The following COX7B2 variants were observed in gnomAD, a reference collection of about 807,000 sequenced individuals.
The protein encoded by COX7B2 is cytochrome c oxidase subunit 7B2, mitochondrial.
For synonymous variants in COX7B2, 37 were observed against 32.1 expected, an observed-to-expected ratio of 1.15 and a Z score of -0.51; for missense variants, 109 against 95.9, an observed-to-expected ratio of 1.14 and a Z score of -0.57.
At chr4:46,774,178 GCCC>G (rs199972250) in intron 2 of COX7B2, among the ~76,000 whole-genome samples, 1,676 of 152,146 alleles carry the variant, frequency 0.011, 21 homozygotes, top group Middle Eastern at 0.041. Flanking sequence ...TCTGGAAAGT[GCCC>G]CCAAGTTTGC....
chr4:46,899,763 T>G (rs760652776), intron 1 of COX7B2, among the ~76,000 whole-genome samples: 2 of 152,182 alleles, frequency 1.3e-5, no homozygotes, highest in Non-Finnish European at 2.9e-5. Context: ...TCTGCAACAA[T>G]TACACAGGCA....
chr4:46,754,129 T>A (rs1165532741), intron 2 of COX7B2, among the ~76,000 whole-genome samples: 3 of 152,140 alleles, frequency 2.0e-5, no homozygotes, highest in African/African-American at 7.2e-5. Context: ...TGTAAACTAG[T>A]TCAACCATTG....
At chr4:46,898,418 T>G (rs1449328649) in intron 1 of COX7B2, among the ~76,000 whole-genome samples, 1 of 152,068 alleles carries the variant, frequency 6.6e-6, no homozygotes, top group African/African-American at 2.4e-5. Context: ...CTCCATCTCA[T>G]CATTCATTAT....
chr4:46,897,173 A>C (rs1036905552), intron 1 of COX7B2, among the ~76,000 whole-genome samples: 1 of 152,170 alleles, frequency 6.6e-6, no homozygotes, highest in Non-Finnish European at 1.5e-5. Flanking sequence ...AAACAGGGTC[A>C]AGACAGGTGC....
chr4:46,830,748 C>A (rs556096782), intron 2 of COX7B2, among the ~76,000 whole-genome samples: 15 of 152,354 alleles, frequency 9.8e-5, no homozygotes, highest in Non-Finnish European at 1.0e-4. Context: ...GGAAGGGAGT[C>A]TGCTCCACAG....
intron 2 of COX7B2, among the ~76,000 whole-genome samples, chr4:46,822,563 G>A (rs1377207510): frequency 6.6e-6 from 1 of 151,938 alleles, no homozygotes; most frequent in African/African-American, 2.4e-5. Flanking sequence ...AGAAAAACTG[G>A]CAAAGAAACA....
At position 46,887,317 on chromosome 4, in the gene COX7B2, G is replaced by GA. The variant is rs1438571961; in HGVS notation, c.-105+21842dup. ...CTGGTTTGACAACTGTGAGAAAACA[G>GA]AAAAATATTACCACATGACCTTCAT... On this transcript the variant is annotated intron_variant, in intron 1 of 2. Coordinates refer to ENST00000355591, the MANE Select transcript of COX7B2 (RefSeq NM_130902.3). 3.3e-5 allele frequency among the ~76,000 whole-genome samples: 5 copies of GA among 152,270 alleles called. 2 individuals are homozygous for GA. Among genetic ancestry groups the GA allele is most frequent in the African/African-American group, 1.2e-4 (5 of 41,570 alleles).
chr4:46,851,575 C>T lies in COX7B2; in HGVS notation c.-104-6561G>A, dbSNP rs75473648. Reference sequence around the variant, plus strand: ...AACTCTAGACTTTACTTGATAGTCACCCATTTTTCCACTAATGGCCCTTTT... The same window carrying T: ...AACTCTAGACTTTACTTGATAGTCATCCATTTTTCCACTAATGGCCCTTTT... On this transcript the variant is annotated intron_variant, in intron 1 of 2. Coordinates refer to ENST00000355591, the MANE Select transcript of COX7B2 (RefSeq NM_130902.3). 8.8e-3 allele frequency among the ~76,000 whole-genome samples: 1,333 copies of T among 152,128 alleles called. 15 individuals are homozygous for T. The highest frequency in any genetic ancestry group is 0.029 in the African/African-American group (1,196 of 41,518).
At chr4:46,831,651 G>A (rs1715111309) in intron 2 of COX7B2, among the ~76,000 whole-genome samples, 1 of 152,146 alleles carries the variant, frequency 6.6e-6, no homozygotes, top group Non-Finnish European at 1.5e-5. Context: ...GGATGCACCA[G>A]TTGGCACTCT....
chr4:46,907,847 A>ATTTTTTTTTTTTTTTTTTT (rs1308450950), intron 1 of COX7B2, among the ~76,000 whole-genome samples: 10 of 67,224 alleles, frequency 1.5e-4, no homozygotes, highest in African/African-American at 2.6e-4. Flanking sequence ...ATTTGAGCAG[A>ATTTTTTTTTTTTTTTTTTT]CTTTTTTTTT....
chr4:46,803,971 A>C (rs1718816603), intron 2 of COX7B2, among the ~76,000 whole-genome samples: 1 of 151,676 alleles, frequency 6.6e-6, no homozygotes, highest in South Asian at 2.1e-4. Context: ...GAAGCTGCGG[A>C]CCCTTGCAGT....
intron 2 of COX7B2, among the ~76,000 whole-genome samples, chr4:46,739,097 G>A (rs1048783609): frequency 6.6e-6 from 1 of 152,052 alleles, no homozygotes; most frequent in Non-Finnish European, 1.5e-5. Flanking sequence ...AGTGTAGTAA[G>A]GAAACTAACA....
At chr4:46,743,045 T>C (rs1207618049) in intron 2 of COX7B2, among the ~76,000 whole-genome samples, 3 of 152,178 alleles carry the variant, frequency 2.0e-5, no homozygotes, top group East Asian at 1.9e-4. Context: ...TCCTTTCTGA[T>C]AGCTATGAGT....
intron 1 of COX7B2, among the ~76,000 whole-genome samples, chr4:46,849,400 A>G (rs896918698): frequency 6.6e-6 from 1 of 151,938 alleles, no homozygotes; most frequent in Non-Finnish European, 1.5e-5. Flanking sequence ...ATTACTAACT[A>G]TTTTCTATTT....
At chr4:46,739,926 C>T (rs1466873944) in intron 2 of COX7B2, among the ~76,000 whole-genome samples, 1 of 151,932 alleles carries the variant, frequency 6.6e-6, no homozygotes, top group Non-Finnish European at 1.5e-5. Flanking sequence ...TATTTAAAAC[C>T]TTTGCTGTTT....
intron 2 of COX7B2, among the ~76,000 whole-genome samples, chr4:46,822,101 C>A (rs1009220889): frequency 2.6e-5 from 4 of 152,012 alleles, no homozygotes; most frequent in Admixed American, 6.6e-5. Flanking sequence ...TTAGTAGACA[C>A]GAGGTTTCAC....
chr4:46,795,183 T>C (rs1259383075), intron 2 of COX7B2, among the ~76,000 whole-genome samples: 1 of 129,676 alleles, frequency 7.7e-6, no homozygotes, highest in Admixed American at 7.9e-5. Flanking sequence ...TCTTTTGCTG[T>C]GCAGAAGCTC....
chr4:46,819,421 T>C (rs952128151), intron 2 of COX7B2, among the ~76,000 whole-genome samples: 7 of 151,798 alleles, frequency 4.6e-5, no homozygotes, highest in African/African-American at 1.7e-4. Context: ...TTACAAACCA[T>C]GGTTAAAAGT....
chr4:46,901,474 T>C (rs13119670), intron 1 of COX7B2, among the ~76,000 whole-genome samples: 13,894 of 152,326 alleles, frequency 0.091, 881 homozygotes, highest in Middle Eastern at 0.23. Flanking sequence ...GAGATCAATA[T>C]ATTACCTCTG....
Sources: gnomAD v4.1 joint callset for allele counts (sites outside exome capture counted in the v4.1 genomes callset) on GRCh38, gnomAD v4.1.1 for gene constraint, MANE v1.5 for transcripts, NCBI Gene and HGNC (gene_info 2026-07-23, HGNC 2026-07-21) for gene names.